Variants in GABBR2 observed in about 807,000 individuals in gnomAD.
GABBR2 encodes the protein G-protein coupled receptor 51.
GABBR2 carries 23 observed loss-of-function variants against 105.6 expected under a neutral mutation model. The observed-to-expected ratio is 0.22, with a 90% confidence interval of 0.16 to 0.31. The LOEUF is 0.31. GABBR2 is among the 10% of genes least tolerant of loss of function. The pLI is 1.00. For missense variants in GABBR2, 734 were observed against 1,245.5 expected (o/e 0.59, Z 6.18); for synonymous variants, 478 against 499.7 (o/e 0.96, Z 0.58).
chr9:98,466,854 C>A (rs1453380064), intron 6 of GABBR2, among the ~76,000 whole-genome samples: 5 of 152,172 alleles, frequency 3.3e-5, no homozygotes, highest in African/African-American at 9.7e-5. Context: ...CTGAGTAATA[C>A]AGCTATGACA....
chr9:98,625,826 G>A (rs996211405), intron 1 of GABBR2, among the ~76,000 whole-genome samples: 5 of 152,198 alleles, frequency 3.3e-5, no homozygotes, highest in African/African-American at 1.2e-4. Flanking sequence ...CAAGAAGCAG[G>A]GACTGGTTCC....
chr9:98,584,401 C>T (rs1233858598), intron 1 of GABBR2, among the ~76,000 whole-genome samples: 2 of 152,168 alleles, frequency 1.3e-5, no homozygotes, highest in Admixed American at 6.5e-5. Flanking sequence ...TTTGACTCCT[C>T]CTCTACTGTA....
chr9:98,455,123 T>C (rs578035380), intron 6 of GABBR2, among the ~76,000 whole-genome samples: 1 of 152,286 alleles, frequency 6.6e-6, no homozygotes, highest in Admixed American at 6.5e-5. Flanking sequence ...CCTTCCATAA[T>C]ATAACAGTCC....
At chr9:98,686,788 T>C (rs1476745305) in intron 1 of GABBR2, among the ~76,000 whole-genome samples, 1 of 152,102 alleles carries the variant, frequency 6.6e-6, no homozygotes. Context: ...CCCAGCTCAG[T>C]CAGTGAAGGG....
intron 1 of GABBR2, among the ~76,000 whole-genome samples, chr9:98,636,492 T>C (rs1326905337): frequency 6.8e-5 from 9 of 131,878 alleles, no homozygotes; most frequent in African/African-American, 2.6e-4. Flanking sequence ...TTTCTTTTTT[T>C]TTTTTTTTTT....
intron 7 of GABBR2, among the ~76,000 whole-genome samples, chr9:98,431,818 C>T (rs1050380037): frequency 2.0e-5 from 3 of 152,126 alleles, no homozygotes; most frequent in Non-Finnish European, 2.9e-5. Flanking sequence ...GCCTCAGCCT[C>T]CCAAGTAGCT....
intron 1 of GABBR2, among the ~76,000 whole-genome samples, chr9:98,654,626 G>T (rs1019394562): frequency 1.1e-4 from 16 of 152,202 alleles, no homozygotes; most frequent in African/African-American, 3.6e-4. Flanking sequence ...CATCCTTGAA[G>T]AAGTGACATC....
intron 8 of GABBR2, among the ~76,000 whole-genome samples, chr9:98,405,812 A>G (rs762258677): frequency 1.1e-4 from 17 of 152,156 alleles, no homozygotes; most frequent in Admixed American, 5.2e-4. Context: ...GGAATCATCC[A>G]TTTTTTTCCT....
At chr9:98,334,443 C>A (rs369747520) in intron 13 of GABBR2, among the ~76,000 whole-genome samples, 2 of 152,310 alleles carry the variant, frequency 1.3e-5, no homozygotes, top group African/African-American at 4.8e-5. Context: ...TTATCTCAGG[C>A]CAGTCAGGTC....
chr9:98,683,922 G>A (rs1830583991), intron 1 of GABBR2, among the ~76,000 whole-genome samples: 1 of 148,380 alleles, frequency 6.7e-6, no homozygotes, highest in Admixed American at 6.8e-5. Context: ...GCAGGAGAAT[G>A]ACATGAACCC....
At chr9:98,540,760 C>T (rs1173049284) in intron 3 of GABBR2, among the ~76,000 whole-genome samples, 1 of 152,046 alleles carries the variant, frequency 6.6e-6, no homozygotes, top group Admixed American at 6.6e-5. Flanking sequence ...TTTGGAGGCT[C>T]CAAGTATCAA....
intron 6 of GABBR2, among the ~76,000 whole-genome samples, chr9:98,457,156 C>T (rs1243440366): frequency 1.3e-5 from 2 of 152,360 alleles, no homozygotes; most frequent in East Asian, 1.9e-4. Context: ...CCTTTGACTT[C>T]TCTTTTGGAT....
chr9:98,590,631 G>A (rs867954295), intron 1 of GABBR2, among the ~76,000 whole-genome samples: 3 of 152,254 alleles, frequency 2.0e-5, no homozygotes, highest in Admixed American at 6.5e-5. Flanking sequence ...AATATCACAT[G>A]TTGGCAGCCC....
chr9:98,597,364 A>G (rs1349059347), intron 1 of GABBR2, among the ~76,000 whole-genome samples: 1 of 152,224 alleles, frequency 6.6e-6, no homozygotes, highest in Non-Finnish European at 1.5e-5. Context: ...TAGGGTGGCA[A>G]TAACAGCAGC....
At chr9:98,608,120 G>C in intron 1 of GABBR2, 1 of 1,286,966 alleles carries the variant, frequency 7.8e-7, no homozygotes. Flanking sequence ...CAAGAAGAAA[G>C]GAAGATCTTT....
Position 98,454,328 on chromosome 9 carries a change from G to C in GABBR2, c.1000-111C>G. On this transcript the variant is annotated intron_variant, in intron 6 of 18. Transcript: ENST00000259455. This position sits in a 1 kb window ranked among gnomAD's most constrained non-coding sequence, Gnocchi z 4.6. ...CAATGCCCACAGGGTGCCAGGTACA[G>C]TGCTAGATTCTACGTGCATTATCTC... 2.7e-6 allele frequency: 2 copies of C among 754,386 alleles called. No homozygotes were observed. Among genetic ancestry groups the C allele is most frequent in the South Asian group, 1.5e-5 (1 of 65,068 alleles). The allele number at this position is 754,386 out of a possible 1,614,324, so 46.7% of individuals were successfully genotyped here. A position where few individuals can be genotyped will look rare whatever the true frequency, so the allele number is the denominator to read the frequency against.
intron 13 of GABBR2, among the ~76,000 whole-genome samples, chr9:98,343,457 T>A (rs1424815119): frequency 6.6e-6 from 1 of 152,170 alleles, no homozygotes; most frequent in African/African-American, 2.4e-5. Flanking sequence ...TGGCTTGCTA[T>A]GAAAGGAAGG....
intron 15 of GABBR2, 69 bp from the exon 16 acceptor site, chr9:98,303,492 A>G (rs1830502738): frequency 3.7e-6 from 5 of 1,357,314 alleles, no homozygotes; most frequent in Non-Finnish European, 5.2e-6. Context: ...CCCACATGGC[A>G]GACTCTCCCA....
chr9:98,455,901 G>A (rs1219330065), intron 6 of GABBR2, among the ~76,000 whole-genome samples: 2 of 152,174 alleles, frequency 1.3e-5, no homozygotes, highest in Non-Finnish European at 2.9e-5. Context: ...GCCTCCTCCT[G>A]TTTCAGGGTC....
Sources: allele counts gnomAD v4.1 joint callset (sites outside exome capture counted in the v4.1 genomes callset), GRCh38; gene constraint gnomAD v4.1.1; non-coding constraint Gnocchi (gnomAD v3.1); transcripts MANE v1.5; gene names NCBI Gene and HGNC (gene_info 2026-07-23, HGNC 2026-07-21).